The following SLC1A2 variants were observed in gnomAD, a reference collection of about 807,000 sequenced individuals.
SLC1A2 encodes excitatory amino acid transporter 2.
SLC1A2 carries 15 observed loss-of-function variants against 48.8 expected under a neutral mutation model. The ratio of observed to expected loss-of-function variants is 0.31; its 90% confidence interval spans 0.21 to 0.47. SLC1A2 has a LOEUF of 0.47. Among genes scored for constraint, SLC1A2 ranks in the 20% least tolerant of loss-of-function variants. The pLI is 0.99. For synonymous variants in SLC1A2, 279 were observed against 272.6 expected, an observed-to-expected ratio of 1.02 and a Z score of -0.23; for missense variants, 502 against 730.5, an observed-to-expected ratio of 0.69 and a Z score of 3.61.
intron 1 of SLC1A2, among the ~76,000 whole-genome samples, chr11:35,368,240 C>T (rs1853928770): frequency 6.6e-6 from 1 of 152,178 alleles, no homozygotes; most frequent in Non-Finnish European, 1.5e-5. Flanking sequence ...TATATGATTT[C>T]CCTGGATCTT....
intron 1 of SLC1A2, among the ~76,000 whole-genome samples, chr11:35,397,413 A>G: frequency 6.8e-6 from 1 of 146,240 alleles, no homozygotes; most frequent in East Asian, 2.0e-4. Flanking sequence ...AACCTGAGAA[A>G]AACAAGCAAT....
At chr11:35,307,645 T>A (rs1201841546) in intron 4 of SLC1A2, among the ~76,000 whole-genome samples, 2 of 152,234 alleles carry the variant, frequency 1.3e-5, no homozygotes, top group East Asian at 3.8e-4. Flanking sequence ...AAGTGACTTG[T>A]TGGACGTCAT....
chr11:35,269,643 A>G (rs1366598427), intron 9 of SLC1A2, among the ~76,000 whole-genome samples: 1 of 152,210 alleles, frequency 6.6e-6, no homozygotes, highest in Non-Finnish European at 1.5e-5. Context: ...AGAAGCAGCC[A>G]CTGAAGCAGC....
rs1465721755 is a variant in SLC1A2 at position 35,268,488 on chromosome 11, T to G, written c.1422-2730A>C. 3.3e-5 allele frequency among the ~76,000 whole-genome samples: 5 copies of G among 151,808 alleles called. No homozygotes were observed. In the East Asian group the frequency reaches 7.8e-4, roughly 24 times the overall value. On this transcript the variant is annotated intron_variant, in intron 9 of 10. Coordinates refer to ENST00000278379, the MANE Select transcript of SLC1A2 (RefSeq NM_004171.4). ...GGTCAGGCATTTGAGACCAGCCTGG[T>G]TAACAATACAGTACTAAAAATACAA...
At chr11:35,270,297 C>T (rs1850244565) in intron 9 of SLC1A2, among the ~76,000 whole-genome samples, 1 of 152,122 alleles carries the variant, frequency 6.6e-6, no homozygotes, top group South Asian at 2.1e-4. Context: ...AGGCTAATCC[C>T]AACCTCACAG....
intron 1 of SLC1A2, among the ~76,000 whole-genome samples, chr11:35,331,261 G>T (rs111616701): frequency 3.9e-5 from 6 of 152,306 alleles, no homozygotes; most frequent in African/African-American, 1.4e-4. Context: ...GTGTTTAAAA[G>T]GCTCAGCAAC....
intron 1 of SLC1A2, among the ~76,000 whole-genome samples, chr11:35,330,266 G>A (rs925862066): frequency 6.6e-6 from 1 of 152,140 alleles, no homozygotes; most frequent in East Asian, 1.9e-4. Context: ...TCCAGGTAAG[G>A]GCTGGTCACT....
chr11:35,289,036 T>C (rs1416017732), intron 7 of SLC1A2, among the ~76,000 whole-genome samples: 1 of 152,246 alleles, frequency 6.6e-6, no homozygotes, highest in Non-Finnish European at 1.5e-5. Context: ...TCAATGGCCA[T>C]ATGACAGCCT....
rs536068480 is a variant in SLC1A2 at position 35,286,765 on chromosome 11, C to A, written c.1278G>T (p.Val426=). Residue 426 remains valine (V), a synonymous_variant, in exon 8 of 11, where the codon GTG becomes GTT. Transcript: ENST00000278379. ...TACCCCACCCTTCTCACCTTACAGT[C>A]ACAATCTGTCCTCCATCCAGGACAA... ...NGVVLDGGQI[V]TVSLTATLAS... 3.4e-5 allele frequency: 55 copies of A among 1,612,240 alleles called. No homozygotes were observed. The South Asian group carries it at 5.9e-4, about 17-fold the overall frequency.
intron 1 of SLC1A2, among the ~76,000 whole-genome samples, chr11:35,366,598 T>C (rs1286326936): frequency 6.6e-6 from 1 of 152,190 alleles, no homozygotes; most frequent in Non-Finnish European, 1.5e-5. Context: ...TGATAACACA[T>C]GTTCTCCTGA....
chr11:35,357,547 G>C (rs1411914478), intron 1 of SLC1A2, among the ~76,000 whole-genome samples: 1 of 152,110 alleles, frequency 6.6e-6, no homozygotes, highest in Non-Finnish European at 1.5e-5. Context: ...TACAAAGATG[G>C]TCATTTGCAA....
chr11:35,273,058 G>A (rs1850329621), intron 9 of SLC1A2, among the ~76,000 whole-genome samples: 1 of 152,192 alleles, frequency 6.6e-6, no homozygotes, highest in Non-Finnish European at 1.5e-5. Context: ...TTCATCTGGT[G>A]TCTTGCATTG....
intron 1 of SLC1A2, 65 bp from the exon 2 acceptor site, chr11:35,317,581 C>T (rs1427552596): frequency 1.2e-5 from 19 of 1,541,812 alleles, no homozygotes; most frequent in East Asian, 2.3e-5. Context: ...TTCAGGGGCT[C>T]GACTAGTAGG....
intron 1 of SLC1A2, among the ~76,000 whole-genome samples, chr11:35,380,054 T>A (rs1298019178): frequency 2.0e-5 from 3 of 152,250 alleles, no homozygotes; most frequent in Non-Finnish European, 4.4e-5. Flanking sequence ...AGGTCATACC[T>A]GTTATAATTC....
intron 1 of SLC1A2, among the ~76,000 whole-genome samples, chr11:35,368,476 C>T (rs1030417220): frequency 1.3e-5 from 2 of 152,176 alleles, no homozygotes; most frequent in African/African-American, 2.4e-5. Context: ...TTATGGCTGA[C>T]ATTATTATTG....
chr11:35,365,461 G>A (rs545168747), intron 1 of SLC1A2, among the ~76,000 whole-genome samples: 13 of 152,074 alleles, frequency 8.5e-5, no homozygotes, highest in South Asian at 2.1e-4. Flanking sequence ...AATCCTTGTC[G>A]TAAAATCTGC....
chr11:35,347,137 G>T (rs768061464), intron 1 of SLC1A2, among the ~76,000 whole-genome samples: 10 of 152,190 alleles, frequency 6.6e-5, no homozygotes, highest in Non-Finnish European at 1.2e-4. Flanking sequence ...AGTTTGGGAG[G>T]GATAAGAGTT....
chr11:35,261,028 T>C, intron 10 of SLC1A2, 63 bp from the exon 11 acceptor site: 3 of 1,207,082 alleles, frequency 2.5e-6, no homozygotes, highest in East Asian at 4.7e-5. Flanking sequence ...GCCCTGTGGG[T>C]TATGTGGAGA....
chr11:35,362,604 G>T (rs1476540385), intron 1 of SLC1A2, among the ~76,000 whole-genome samples: 1 of 152,204 alleles, frequency 6.6e-6, no homozygotes, highest in African/African-American at 2.4e-5. Flanking sequence ...ACATGTGAAA[G>T]TGCCTGGAAT....
Sources: allele counts gnomAD v4.1 joint callset (sites outside exome capture counted in the v4.1 genomes callset), GRCh38; gene constraint gnomAD v4.1.1; transcripts MANE v1.5; gene names NCBI Gene and HGNC (gene_info 2026-07-23, HGNC 2026-07-21).